COL21A1: variants seen among roughly 807,000 people sequenced by gnomAD.
COL21A1 encodes collagen alpha-1(XXI) chain.
COL21A1 carries 149 observed loss-of-function variants against 137.9 expected under a neutral mutation model. The ratio of observed to expected loss-of-function variants is 1.08; its 90% CI spans 0.95 to 1.24. The LOEUF is 1.24. COL21A1 is among the 50% of genes most tolerant of loss of function. The pLI is 0.00. For missense variants in COL21A1, 1,167 were observed against 1,158.4 expected, an observed-to-expected ratio of 1.01 and a Z score of -0.11; for synonymous variants, 456 against 391.5, an observed-to-expected ratio of 1.16 and a Z score of -1.95.
At chr6:56,352,609 A>G (rs1423001142) in intron 1 of COL21A1, among the ~76,000 whole-genome samples, 2 of 152,190 alleles carry the variant, frequency 1.3e-5, no homozygotes, top group African/African-American at 4.8e-5. Context: ...AAATCATGAG[A>G]CAGTCACAAG....
intron 5 of COL21A1, among the ~76,000 whole-genome samples, chr6:56,170,229 T>C (rs1252652538): frequency 6.6e-6 from 1 of 151,940 alleles, no homozygotes; most frequent in Non-Finnish European, 1.5e-5. Context: ...CTGTAGAACA[T>C]GGCAGTGTAA....
intron 1 of COL21A1, among the ~76,000 whole-genome samples, chr6:56,318,345 A>C (rs901087581): frequency 1.3e-5 from 2 of 152,072 alleles, no homozygotes; most frequent in African/African-American, 4.8e-5. Flanking sequence ...TCTTAAGTTA[A>C]ATATGTGTCC....
At chr6:56,374,943 C>T (rs1383597814) in intron 1 of COL21A1, among the ~76,000 whole-genome samples, 1 of 151,972 alleles carries the variant, frequency 6.6e-6, no homozygotes, top group East Asian at 1.9e-4. Context: ...GGAAATTTGC[C>T]AGGAAACTTT....
At position 56,168,241 on chromosome 6, in the gene COL21A1, C is replaced by T. The variant is rs1307917725; in HGVS notation, c.1083G>A (p.Val361=). The change falls in exon 6 of 30, where the codon GTG becomes GTA. Residue 361 remains valine (V), a synonymous_variant. Transcript: ENST00000244728. ...QIRLLVTEQD[V]TLYIDDQQIE... is the part of the protein sequence containing the mutation. ...TTTGTTGGTCATCAATATACAAAGT[C>T]ACATCTTGTTCTGTTACTAAGAGAC... The T allele has an allele frequency of 4.5e-6, 7 of 1,572,680 alleles. No homozygotes were observed. The highest frequency in any genetic ancestry group is 6.1e-6 in the Non-Finnish European group (7 of 1,156,448).
chr6:56,108,514 A>G (rs952704490), intron 16 of COL21A1, among the ~76,000 whole-genome samples: 2 of 151,970 alleles, frequency 1.3e-5, no homozygotes, highest in Non-Finnish European at 2.9e-5. Context: ...AACAAAAAAT[A>G]TATTTTATAA....
chr6:56,095,991 C>T (rs1473470074), intron 17 of COL21A1, among the ~76,000 whole-genome samples: 4 of 152,068 alleles, frequency 2.6e-5, no homozygotes, highest in South Asian at 2.1e-4. Flanking sequence ...GGATTACAGG[C>T]GCCCACCACC....
chr6:56,278,817 A>T (rs1037978072), intron 1 of COL21A1, among the ~76,000 whole-genome samples: 1 of 152,186 alleles, frequency 6.6e-6, no homozygotes, highest in African/African-American at 2.4e-5. Flanking sequence ...AAATATGCAA[A>T]TATCTTCATC....
At chr6:56,171,350 C>T (rs548499751) in intron 3 of COL21A1, among the ~76,000 whole-genome samples, 201 of 151,594 alleles carry the variant, frequency 1.3e-3, no homozygotes, top group African/African-American at 4.1e-3. Context: ...ATGCTTTTTT[C>T]TCTAAAAAAT....
intron 12 of COL21A1, among the ~76,000 whole-genome samples, chr6:56,126,953 G>A (rs1259271207): frequency 6.6e-6 from 1 of 152,056 alleles, no homozygotes; most frequent in East Asian, 1.9e-4. Flanking sequence ...AAAAGTTATT[G>A]ATTCATATGA....
At chr6:56,119,586 C>G (rs1772268284) in intron 16 of COL21A1, among the ~76,000 whole-genome samples, 1 of 151,910 alleles carries the variant, frequency 6.6e-6, no homozygotes, top group Non-Finnish European at 1.5e-5. Flanking sequence ...TCACCAAAGA[C>G]CCAGAATGGC....
At chr6:56,304,669 T>C (rs1452796605) in intron 1 of COL21A1, among the ~76,000 whole-genome samples, 4 of 152,176 alleles carry the variant, frequency 2.6e-5, no homozygotes, top group Non-Finnish European at 2.9e-5. Context: ...GTTGTTGATC[T>C]TTTCAAAAAA....
At chr6:56,159,079 A>G (rs956006629) in intron 9 of COL21A1, among the ~76,000 whole-genome samples, 3 of 152,016 alleles carry the variant, frequency 2.0e-5, no homozygotes, top group African/African-American at 7.2e-5. Flanking sequence ...TGCTGATTGG[A>G]CTTGCTGCCT....
At position 56,260,648 on chromosome 6, in the gene COL21A1, G is replaced by A. The variant is rs1220835333; in HGVS notation, c.-38-77992C>T. 5.6e-3 allele frequency among the ~76,000 whole-genome samples: 242 copies of A among 43,066 alleles called. 7 individuals carry two copies. Among genetic ancestry groups the A allele is most frequent in the Middle Eastern group, 0.043 (4 of 92 alleles). 28.3% of individuals were successfully genotyped at this position (43,066 alleles called of 152,430 possible). Reference sequence around the variant, plus strand: ...GAGAGGAAGGAAGGAAGGAAGGAAGGAAGGAAGGAATGAAGGAAGGAAGGA... The same window carrying A: ...GAGAGGAAGGAAGGAAGGAAGGAAGAAAGGAAGGAATGAAGGAAGGAAGGA... On this transcript the variant is annotated intron_variant, in intron 1 of 28. Coordinates refer to the COL21A1 transcript ENST00000370819.
intron 1 of COL21A1, among the ~76,000 whole-genome samples, chr6:56,235,570 G>C (rs1034960667): frequency 6.6e-6 from 1 of 151,936 alleles, no homozygotes; most frequent in Non-Finnish European, 1.5e-5. Context: ...GGGGAATACT[G>C]TTCGTGATAG....
intron 24 of COL21A1, among the ~76,000 whole-genome samples, chr6:56,063,157 A>G (rs1314326543): frequency 6.6e-6 from 1 of 152,094 alleles, no homozygotes; most frequent in Non-Finnish European, 1.5e-5. Context: ...GAAGCTTTCT[A>G]GGGAACCCAA....
chr6:56,091,777 T>G (rs1768841846), intron 17 of COL21A1: 1 of 152,148 alleles, frequency 6.6e-6, no homozygotes, highest in Non-Finnish European at 1.5e-5. Context: ...TGCAGATAAT[T>G]TGGTTGGCAA....
intron 9 of COL21A1, 84 bp downstream of exon 9, chr6:56,164,339 G>T: frequency 1.1e-6 from 1 of 883,440 alleles, no homozygotes. Flanking sequence ...TTCTCAACAG[G>T]ATCAATGGTG....
intron 26 of COL21A1, 36 bp downstream of exon 26, chr6:56,060,855 A>C (rs1482121175): frequency 4.4e-6 from 7 of 1,585,164 alleles, no homozygotes; most frequent in Non-Finnish European, 6.0e-6. Flanking sequence ...AAAATCAATG[A>C]AAATGTAATA....
chr6:56,109,008 A>C (rs1163383125), intron 16 of COL21A1, among the ~76,000 whole-genome samples: 1 of 151,820 alleles, frequency 6.6e-6, no homozygotes, highest in African/African-American at 2.4e-5. Flanking sequence ...TAGAATTACA[A>C]AATTTATTTT....
Sources: allele counts gnomAD v4.1 joint callset (sites outside exome capture counted in the v4.1 genomes callset), GRCh38; gene constraint gnomAD v4.1.1; transcripts MANE v1.5; gene names NCBI Gene and HGNC (gene_info 2026-07-23, HGNC 2026-07-21).